ZNF41: variants seen among roughly 807,000 people sequenced by gnomAD.
ZNF41 encodes zinc finger protein 41.
ZNF41 carries 6 observed loss-of-function variants against 9.3 expected under a neutral mutation model. The ratio of observed to expected loss-of-function variants is 0.65; its 90% CI spans 0.35 to 1.28. The LOEUF is 1.28. ZNF41 is among the 50% of genes most tolerant of loss of function. The pLI, the probability that ZNF41 is intolerant of heterozygous loss-of-function variation, is 0.03. For synonymous variants in ZNF41, 192 were observed against 207.1 expected, an observed-to-expected ratio of 0.93 and a Z score of 0.63; for missense variants, 523 against 585.8, an observed-to-expected ratio of 0.89 and a Z score of 1.11.
chrX:47,451,721 C>A (rs1316205986), intron 4 of ZNF41, among the ~76,000 whole-genome samples: 2 of 112,199 alleles, frequency 1.8e-5, no homozygotes, highest in Non-Finnish European at 3.8e-5. Context: ...ACTAAAAATA[C>A]AAAAATTAGC....
chrX:47,459,212 T>C (rs1382957184), intron 2 of ZNF41, among the ~76,000 whole-genome samples: 1 of 106,890 alleles, frequency 9.4e-6, no homozygotes, highest in African/African-American at 3.4e-5. Context: ...TACATGGGCA[T>C]GGTGGCACGT....
rs761136105 is a variant in ZNF41 at position 47,478,400 on chromosome X, G to A, written c.-280+4695C>T. On this transcript the variant is annotated intron_variant, in intron 1 of 4. Coordinates refer to ENST00000684689, the MANE Select transcript of ZNF41 (RefSeq NM_001324144.2). ...CACGCACCTATAGTCCCAGCTACGT[G>A]GGAGGCTGAGGCAGGAGAATTGCTT... is the stretch of plus-strand genomic sequence containing the variant. 6.3e-3 allele frequency among the ~76,000 whole-genome samples: 700 copies of A among 110,595 alleles called. 7 individuals are homozygous for A. The highest frequency in any genetic ancestry group is 0.022 in the African/African-American group (665 of 30,391).
rs1275623210 is a variant in ZNF41 at position 47,447,726 on chromosome X, G to C, written c.2044C>G (p.Gln682Glu). Reference sequence around the variant, plus strand: ...GGTTTCTCCCTAGTGTGGATTTTCTGATGTGTTATGAGATTTGATCGGTCA... The same window carrying C: ...GGTTTCTCCCTAGTGTGGATTTTCTCATGTGTTATGAGATTTGATCGGTCA... The part of the protein sequence containing the change: ...FTDRSNLITH[Q>E]KIHTREKPYE... The change falls in exon 5 of 5, where the codon CAG (glutamine) becomes GAG (glutamate). Residue 682 changes from glutamine to glutamate, a missense_variant. By Grantham distance (29) the Gln-to-Glu change is conservative. Transcript: ENST00000684689. 1.7e-6 allele frequency: 2 copies of C among 1,209,807 alleles called. No individual in the cohort carries two copies. Among genetic ancestry groups the C allele is most frequent in the African/African-American group, 3.5e-5 (2 of 57,157 alleles).
chrX:47,473,856 G>A (rs2057261324), intron 1 of ZNF41, among the ~76,000 whole-genome samples: 2 of 112,066 alleles, frequency 1.8e-5, no homozygotes, highest in South Asian at 7.2e-4. Context: ...CTGGAAAATA[G>A]TTTGGCAGCT....
chrX:47,452,526 C>T (rs1327393255), intron 4 of ZNF41, among the ~76,000 whole-genome samples: 2 of 111,670 alleles, frequency 1.8e-5, no homozygotes, highest in African/African-American at 6.5e-5. Context: ...GAATTTCATC[C>T]CTGGGAAGTA....
intron 2 of ZNF41, among the ~76,000 whole-genome samples, chrX:47,466,895 T>C (rs2057009500): frequency 9.0e-6 from 1 of 111,373 alleles, no homozygotes; most frequent in African/African-American, 3.3e-5. Flanking sequence ...CCTGCCAGTC[T>C]CTAAGTTCCA....
At chrX:47,452,698 T>G (rs1460609998) in intron 4 of ZNF41, among the ~76,000 whole-genome samples, 2 of 112,500 alleles carry the variant, frequency 1.8e-5, no homozygotes, top group Admixed American at 1.9e-4. Flanking sequence ...GTTCAAGCGA[T>G]TCTCCTGCTT....
intron 1 of ZNF41, among the ~76,000 whole-genome samples, chrX:47,471,341 C>A (rs761398894): frequency 2.8e-4 from 31 of 109,147 alleles, no homozygotes; most frequent in Non-Finnish European, 5.5e-4. Context: ...TGTAGCTACT[C>A]GGGAGGCTGA....
chrX:47,463,865 G>A, intron 2 of ZNF41, among the ~76,000 whole-genome samples: 1 of 111,093 alleles, frequency 9.0e-6, no homozygotes, highest in Non-Finnish European at 1.9e-5. Context: ...ATTGTCTCCT[G>A]CTTCCTCTGA....
At chrX:47,470,316 G>A (rs1338435819) in intron 1 of ZNF41, among the ~76,000 whole-genome samples, 1 of 107,612 alleles carries the variant, frequency 9.3e-6, no homozygotes, top group African/African-American at 3.4e-5. Context: ...GGAGGTTGAG[G>A]CAGGGGAATT....
At chrX:47,475,816 A>T (rs917447487) in intron 1 of ZNF41, among the ~76,000 whole-genome samples, 1 of 111,671 alleles carries the variant, frequency 9.0e-6, no homozygotes, top group African/African-American at 3.2e-5. Context: ...TTACTAACTC[A>T]AATCTGACCA....
chrX:47,448,095 C>T lies in ZNF41; in HGVS notation c.1675G>A (p.Ala559Thr). ...KPYKCNGCGK[A>T]FIWKSRLKIH... is the part of the protein sequence containing the mutation. ...TTGAGGCGCGACTTCCATATGAAGG[C>T]TTTTCCACAGCCATTGCACTTATAG... The change falls in exon 5 of 5, where the codon GCC becomes ACC. Residue 559 changes from alanine (A) to threonine (T), a missense_variant. Transcript: ENST00000684689. 3.3e-6 allele frequency: 4 copies of T among 1,211,313 alleles called. No individual in the cohort carries two copies. The highest frequency in any genetic ancestry group is 4.5e-6 in the Non-Finnish European group (4 of 895,441).
chrX:47,456,859 T>C lies in ZNF41; in HGVS notation c.73-461A>G, dbSNP rs188761160. On this transcript the variant is annotated intron_variant, in intron 2 of 4. Transcript: ENST00000684689. ...CATAGAGACAGTGGGGCGAGAGTTA[T>C]CTAGAAGGGAGAAGCATGAGCAACA... Among the ~76,000 whole-genome samples the C allele has an allele frequency of 1.6e-3, 179 of 111,277 alleles. 3 individuals are homozygous for C. The Admixed American group carries it at 0.017, about 10-fold the overall frequency.
In ZNF41 at chrX:47,448,509, T is replaced by C; in HGVS notation, c.1261A>G (p.Thr421Ala). ...TGCATCCTGAGTGCTGATTTTCTTG[T>C]GAAAGCCTTCCCACATTCATTGCAT... ...YECNECGKAF[T>A]RKSALRMHQR... The change falls in exon 5 of 5, where the codon ACA becomes GCA. Residue 421 changes from threonine (T) to alanine (A), a missense_variant. Physicochemically the swap from Thr to Ala is moderately conservative, Grantham distance 58 (BLOSUM62 0). Transcript: ENST00000684689. The C allele has an allele frequency of 8.3e-7, 1 of 1,212,077 alleles. No homozygotes were observed. Among genetic ancestry groups the C allele is most frequent in the Non-Finnish European group, 1.1e-6 (1 of 895,633 alleles).
chrX:47,455,795 A>G, intron 4 of ZNF41, 126 bp downstream of exon 4: 4 of 625,788 alleles, frequency 6.4e-6, no homozygotes, highest in South Asian at 4.8e-5. Flanking sequence ...ACTATCTCCA[A>G]TTGACTCCAA....
intron 1 of ZNF41, among the ~76,000 whole-genome samples, chrX:47,478,297 G>A (rs930874976): frequency 1.8e-5 from 2 of 111,945 alleles, no homozygotes; most frequent in Non-Finnish European, 1.9e-5. Flanking sequence ...CTTGAGGTCA[G>A]GAATTCGAGA....
In ZNF41 at chrX:47,448,946, T is replaced by A. The variant is rs2147477553; in HGVS notation, c.824A>T (p.Glu275Val). ...CTTCTGAGTGAAGCCCATTACACATTCAGTACACACATAAAGCTTCTCCTC... is the reference window on the plus strand; with the variant it reads ...CTTCTGAGTGAAGCCCATTACACATACAGTACACACATAAAGCTTCTCCTC... Reference protein sequence around the residue: ...HPEEKLYVCTECVMGFTQKSH... With the variant: ...HPEEKLYVCTVCVMGFTQKSH... The change falls in exon 5 of 5, where the codon GAA (glutamate) becomes GTA (valine). Residue 275 changes from glutamate to valine, a missense_variant. Glu to Val is a moderately radical substitution (Grantham distance 121). Transcript: ENST00000684689. 1.7e-6 allele frequency: 2 copies of A among 1,211,616 alleles called. No homozygotes were observed. Among genetic ancestry groups the A allele is most frequent in the South Asian group, 3.5e-5 (2 of 56,986 alleles).
Position 47,447,681 on chromosome X carries a change from C to T in ZNF41, c.2089G>A (p.Gly697Arg), listed in dbSNP as rs772407905. The T allele has an allele frequency of 3.3e-6, 4 of 1,209,817 alleles. No homozygotes were observed. The highest frequency in any genetic ancestry group is 1.8e-5 in the South Asian group (1 of 56,814). Reference sequence around the variant, plus strand: ...CGTGACTTCCAGGTGAAGGTTTTCCCGCAGTCACCACATTCATAGGGTTTC... The same window carrying T: ...CGTGACTTCCAGGTGAAGGTTTTCCTGCAGTCACCACATTCATAGGGTTTC... Reference protein sequence around the residue: ...REKPYECGDCGKTFTWKSRLN... With the variant: ...REKPYECGDCRKTFTWKSRLN... Residue 697 changes from glycine (G) to arginine (R), a missense_variant, in exon 5 of 5, where the codon GGG becomes AGG. Transcript: ENST00000684689.
In ZNF41 at chrX:47,467,608, G is replaced by T; in HGVS notation, c.-127C>A. 1.2e-6 allele frequency: 1 copy of T among 824,294 alleles called. No homozygotes were observed. Among genetic ancestry groups the T allele is most frequent in the Non-Finnish European group, 1.7e-6 (1 of 575,794 alleles). 67.9% of individuals were successfully genotyped at this position (824,294 alleles called of 1,213,427 possible). A position where few individuals can be genotyped will look rare whatever the true frequency, so the allele number is the denominator to read the frequency against. The stretch of plus-strand genomic sequence containing the variant: ...GGGCGAGGCAAGCAGGGGTCAGAAG[G>T]AAGATCCTGCAGTTTCCACTAAGAA... On this transcript the variant is annotated 5_prime_UTR_variant, in exon 2 of 5. Transcript: ENST00000684689.
Sources: gnomAD v4.1 joint callset for allele counts (sites outside exome capture counted in the v4.1 genomes callset) on GRCh38, gnomAD v4.1.1 for gene constraint, MANE v1.5 for transcripts, NCBI Gene and HGNC (gene_info 2026-07-23, HGNC 2026-07-21) for gene names.